Variants in PGBD5 observed in about 807,000 individuals in gnomAD.
PGBD5 encodes the protein piggyBac transposable element derived 5.
In PGBD5, 14 loss-of-function variants were observed where a neutral mutation model predicts 47.9. The observed-to-expected ratio is 0.29, with a 90% CI of 0.19 to 0.46. The LOEUF (loss-of-function observed/expected upper bound fraction) is 0.46. Ranked by LOEUF, PGBD5 falls within the 20% of genes least tolerant of loss-of-function variation. The pLI is 1.00. For synonymous variants in PGBD5, 316 were observed against 306.3 expected (o/e 1.03, Z -0.33); for missense variants, 635 against 716.0 (o/e 0.89, Z 1.29).
chr1:230,346,246 G>T (rs753059493), intron 3 of PGBD5, among the ~76,000 whole-genome samples: 4 of 152,110 alleles, frequency 2.6e-5, no homozygotes, highest in Non-Finnish European at 4.4e-5. Flanking sequence ...TTGCCATGTT[G>T]CCCAGGCTGG....
chr1:230,341,182 A>G (rs1667403411), intron 3 of PGBD5, among the ~76,000 whole-genome samples: 1 of 152,202 alleles, frequency 6.6e-6, no homozygotes, highest in African/African-American at 2.4e-5. Context: ...ATTTAAATAA[A>G]TACAAAAAAG....
chr1:230,344,954 C>A (rs1667455031), intron 3 of PGBD5, among the ~76,000 whole-genome samples: 1 of 152,162 alleles, frequency 6.6e-6, no homozygotes, highest in African/African-American at 2.4e-5. Flanking sequence ...CTCAGGACAC[C>A]TCCCAGGCAT....
At chr1:230,343,410 TAATA>T (rs1667435539) in intron 3 of PGBD5, among the ~76,000 whole-genome samples, 1 of 152,234 alleles carries the variant, frequency 6.6e-6, no homozygotes, top group African/African-American at 2.4e-5. Context: ...CCTGGGCACT[TAATA>T]AATACTTTAT....
rs923645480 is a variant in PGBD5 at position 230,357,495 on chromosome 1, C to T, written c.332-174G>A. Among the ~76,000 whole-genome samples, 6 of 152,230 alleles carry T rather than the reference C, an allele frequency of 3.9e-5. No individual in the cohort carries two copies. Among genetic ancestry groups the T allele is most frequent in the Non-Finnish European group, 8.8e-5 (6 of 68,044 alleles). ...AGCTGCTGCAACCACCTGACAGTGC[C>T]GGCTCCCATAGCTTTTGTACGCCCC... On this transcript the variant is annotated intron_variant, in intron 1 of 6. Coordinates refer to ENST00000391860, the MANE Select transcript of PGBD5 (RefSeq NM_001258311.2). The surrounding 1 kb of genome is among the most constrained non-coding windows in gnomAD (Gnocchi z 5.7).
At chr1:230,363,415 C>T (rs747783458) in intron 1 of PGBD5, among the ~76,000 whole-genome samples, 1 of 152,122 alleles carries the variant, frequency 6.6e-6, no homozygotes, top group Non-Finnish European at 1.5e-5. Flanking sequence ...AATCCCGTCT[C>T]TACTAAAAAT....
chr1:230,341,335 G>A (rs1667405295), intron 3 of PGBD5, among the ~76,000 whole-genome samples: 1 of 152,152 alleles, frequency 6.6e-6, no homozygotes, highest in Admixed American at 6.5e-5. Flanking sequence ...GACTGGTCCT[G>A]GTTTGCTTTG....
intron 1 of PGBD5, among the ~76,000 whole-genome samples, chr1:230,407,211 G>C (rs1657317938): frequency 6.6e-6 from 1 of 152,126 alleles, no homozygotes; most frequent in Non-Finnish European, 1.5e-5. Context: ...AAAAATGTCT[G>C]TTTTCAATAA....
intron 5 of PGBD5, among the ~76,000 whole-genome samples, 153 bp from the exon 6 acceptor site, chr1:230,325,568 C>T (rs1403175829): frequency 6.6e-6 from 1 of 152,160 alleles, no homozygotes; most frequent in East Asian, 1.9e-4. Context: ...GAACAATCAG[C>T]ACCAACCACC....
intron 1 of PGBD5, among the ~76,000 whole-genome samples, chr1:230,376,020 T>C (rs1418754481): frequency 2.0e-5 from 3 of 151,958 alleles, no homozygotes; most frequent in Non-Finnish European, 4.4e-5. Flanking sequence ...AAACAGCAGC[T>C]ATTCCTACTG....
chr1:230,359,908 T>C (rs561894306), intron 1 of PGBD5, among the ~76,000 whole-genome samples: 1 of 152,240 alleles, frequency 6.6e-6, no homozygotes, highest in African/African-American at 2.4e-5. Context: ...ACCAAACAGG[T>C]CTTGGAGGAA....
intron 1 of PGBD5, among the ~76,000 whole-genome samples, chr1:230,423,291 C>T (rs2102757828): frequency 6.6e-6 from 1 of 152,270 alleles, no homozygotes; most frequent in African/African-American, 2.4e-5. Context: ...CACCTGCTTA[C>T]TTTCCTCCCT....
chr1:230,356,964 T>A lies in PGBD5; in HGVS notation c.689A>T (p.Tyr230Phe), dbSNP rs1230395379. The A allele has an allele frequency of 6.2e-7, 1 of 1,614,142 alleles. No individual in the cohort carries two copies. The highest frequency in any genetic ancestry group is 8.5e-7 in the Non-Finnish European group (1 of 1,180,036). Reference sequence around the variant, plus strand: ...GGAGTCGAGGAAGGGCTGGACCTTGTAGAGCCCGTGCGTGGTCTGGCTGGA... The same window carrying A: ...GGAGTCGAGGAAGGGCTGGACCTTGAAGAGCCCGTGCGTGGTCTGGCTGGA... Reference protein sequence around the residue: ...FRSSQTTHGLYKVQPFLDSLQ... With the variant: ...FRSSQTTHGLFKVQPFLDSLQ... The change falls in exon 2 of 7, where the codon TAC becomes TTC. Residue 230 changes from tyrosine to phenylalanine, a missense_variant. Coordinates refer to ENST00000391860, the MANE Select transcript of PGBD5 (RefSeq NM_001258311.2).
Position 230,316,155 on chromosome 1 carries a change from T to G in PGBD5, c.*7270A>C, listed in dbSNP as rs558849409. 1 of 146,988 alleles carries G rather than the reference T, an allele frequency of 6.8e-6. No homozygotes were observed. The highest frequency in any genetic ancestry group is 1.5e-5 in the Non-Finnish European group (1 of 66,950). The allele number at this position is 146,988 out of a possible 1,614,324, so 9.1% of individuals were successfully genotyped here. ...ATACATATGTATATGTGTACACATA[T>G]ATGTATGTGTATACATACATACGTA... On this transcript the variant is annotated 3_prime_UTR_variant, in exon 7 of 7. Transcript: ENST00000391860.
chr1:230,326,468 A>AT (rs1667119427), intron 5 of PGBD5, among the ~76,000 whole-genome samples: 4 of 152,110 alleles, frequency 2.6e-5, no homozygotes, highest in African/African-American at 9.7e-5. Flanking sequence ...TATTATCATT[A>AT]TTTTTTTAGA....
At chr1:230,350,213 A>G (rs1667540152) in intron 3 of PGBD5, among the ~76,000 whole-genome samples, 1 of 152,242 alleles carries the variant, frequency 6.6e-6, no homozygotes, top group Non-Finnish European at 1.5e-5. Flanking sequence ...CGCAGCACGC[A>G]TGAAAAACTA....
intron 1 of PGBD5, among the ~76,000 whole-genome samples, chr1:230,411,796 A>C (rs1386803950): frequency 6.6e-6 from 1 of 152,250 alleles, no homozygotes; most frequent in African/African-American, 2.4e-5. Flanking sequence ...AGGGTACCTC[A>C]GTACCAGGAA....
chr1:230,376,101 A>G (rs1668009892), intron 1 of PGBD5, among the ~76,000 whole-genome samples: 1 of 130,312 alleles, frequency 7.7e-6, no homozygotes, highest in Non-Finnish European at 1.8e-5. Flanking sequence ...GAGAGAGCCA[A>G]GCGTGGGCAG....
rs199545872 is a variant in PGBD5, at chr1:230,375,652, CTTTTTTT to C, written c.332-18338_332-18332del. On this transcript the variant is annotated intron_variant, in intron 1 of 6. Transcript: ENST00000391860. ...AAGGTCATCTGAGCTTCCTATTTGA[CTTTTTTT>C]TTTTTTTTTTTTTTTTTTTAGTACA... 1.0e-4 allele frequency among the ~76,000 whole-genome samples: 11 copies of C among 105,662 alleles called. No homozygotes were observed. The South Asian group carries it at 1.3e-3, about 13-fold the overall frequency. The allele number at this position is 105,662 out of a possible 152,430, so 69.3% of individuals were successfully genotyped here.
At chr1:230,422,231 C>G (rs1003146280) in intron 1 of PGBD5, among the ~76,000 whole-genome samples, 3 of 152,058 alleles carry the variant, frequency 2.0e-5, no homozygotes, top group Non-Finnish European at 2.9e-5. Context: ...ACCAAACAGA[C>G]GAGAGCCCTT....
Sources: gnomAD v4.1 joint callset for allele counts (sites outside exome capture counted in the v4.1 genomes callset) on GRCh38, gnomAD v4.1.1 for gene constraint, Gnocchi (gnomAD v3.1) non-coding constraint, MANE v1.5 for transcripts, NCBI Gene and HGNC (gene_info 2026-07-23, HGNC 2026-07-21) for gene names.